The following LMNTD1 variants were observed in gnomAD, a reference collection of about 807,000 sequenced individuals.
LMNTD1 encodes the protein lamin tail domain containing 1.
Under a neutral mutation model 50.9 loss-of-function variants are expected in LMNTD1, and 35 were observed. The observed-to-expected ratio is 0.69, with a 90% CI of 0.53 to 0.91. LMNTD1 has a LOEUF of 0.91. Among genes scored for constraint, LMNTD1 ranks in the 40% least tolerant of loss-of-function variants. LMNTD1 has a pLI of 0.00. For missense variants in LMNTD1, 470 were observed against 475.5 expected (o/e 0.99, Z 0.11); for synonymous variants, 153 against 161.9 (o/e 0.94, Z 0.42).
At chr12:25,492,253 T>C (rs1277455719) in intron 9 of LMNTD1, among the ~76,000 whole-genome samples, 1 of 152,246 alleles carries the variant, frequency 6.6e-6, no homozygotes, top group African/African-American at 2.4e-5. Context: ...AGCATAATAA[T>C]TCAAGCCAAC....
At chr12:25,595,552 A>G (rs532540389) in intron 1 of LMNTD1, among the ~76,000 whole-genome samples, 1 of 152,240 alleles carries the variant, frequency 6.6e-6, no homozygotes, top group African/African-American at 2.4e-5. Flanking sequence ...GATACAACCT[A>G]TCAAAATCTC....
chr12:25,489,513 C>A lies in LMNTD1; in HGVS notation c.*23-13053G>T, dbSNP rs1207477435. Among the ~76,000 whole-genome samples, 2 of 138,840 alleles carry A rather than the reference C, an allele frequency of 1.4e-5. 1 individual carries two copies. The highest frequency in any genetic ancestry group is 1.4e-4 in the Admixed American group (2 of 13,812). 91.1% of individuals were successfully genotyped at this position (138,840 alleles called of 152,430 possible). ...GCGCACGGTGCGCGCACCCGCTGAC[C>A]TGCGCCCACTGTCTGGCACTCCCTA... On this transcript the variant is annotated intron_variant, in intron 9 of 9. Coordinates refer to ENST00000458174, the MANE Select transcript of LMNTD1 (RefSeq NM_001145728.2).
intron 9 of LMNTD1, among the ~76,000 whole-genome samples, chr12:25,498,977 A>C (rs1431861294): frequency 6.6e-6 from 1 of 152,206 alleles, no homozygotes; most frequent in Non-Finnish European, 1.5e-5. Context: ...AGGTGTTCAG[A>C]GTCTTTCCAT....
intron 1 of LMNTD1, among the ~76,000 whole-genome samples, chr12:25,605,308 G>C (rs1264607273): frequency 1.3e-5 from 2 of 152,140 alleles, no homozygotes; most frequent in Non-Finnish European, 2.9e-5. Context: ...TGTTCACTCT[G>C]ATGTTGGTTT....
At chr12:25,647,228 G>T (rs1368675051) in intron 1 of LMNTD1, among the ~76,000 whole-genome samples, 2 of 152,214 alleles carry the variant, frequency 1.3e-5, no homozygotes, top group African/African-American at 4.8e-5. Context: ...GGGTGCAGTG[G>T]CTCATGCCTG....
At chr12:25,614,454 C>T (rs1946311331) in intron 1 of LMNTD1, among the ~76,000 whole-genome samples, 1 of 152,188 alleles carries the variant, frequency 6.6e-6, no homozygotes, top group African/African-American at 2.4e-5. Context: ...CTTCTCCAGA[C>T]ATCTTGCAGA....
intron 1 of LMNTD1, among the ~76,000 whole-genome samples, chr12:25,558,924 G>A (rs1010750544): frequency 6.6e-6 from 1 of 151,364 alleles, no homozygotes; most frequent in Non-Finnish European, 1.5e-5. Flanking sequence ...AATATCACGT[G>A]TATTTGTATA....
chr12:25,556,768 T>C (rs995109712), upstream of LMNTD1, among the ~76,000 whole-genome samples: 3 of 152,228 alleles, frequency 2.0e-5, no homozygotes, highest in African/African-American at 7.2e-5. Flanking sequence ...AAATTCCATA[T>C]TCTTAAGTTT....
intron 1 of LMNTD1, among the ~76,000 whole-genome samples, chr12:25,568,321 C>T (rs573615715): frequency 2.8e-4 from 43 of 152,336 alleles, no homozygotes; most frequent in Middle Eastern, 3.4e-3. Context: ...TAACATCCTA[C>T]TTTCAGATGT....
At chr12:25,554,134 G>A (rs972018576), upstream of LMNTD1, among the ~76,000 whole-genome samples, 2 of 152,170 alleles carry the variant, frequency 1.3e-5, no homozygotes, top group African/African-American at 4.8e-5. Flanking sequence ...AATTCCTTAT[G>A]AACATTATGG....
intron 8 of LMNTD1, among the ~76,000 whole-genome samples, chr12:25,510,581 A>G (rs1237514202): frequency 2.0e-5 from 3 of 152,092 alleles, no homozygotes; most frequent in Non-Finnish European, 4.4e-5. Context: ...CAACTCTACT[A>G]GACTTACTTG....
chr12:25,572,544 TC>T (rs1488933438), intron 1 of LMNTD1, among the ~76,000 whole-genome samples: 1 of 151,700 alleles, frequency 6.6e-6, no homozygotes, highest in Non-Finnish European at 1.5e-5. Context: ...CAACAAAAAA[TC>T]CAAACTCACA....
rs1480928123 is a variant in LMNTD1, at chr12:25,485,576, T to C, written c.*23-9116A>G. Among the ~76,000 whole-genome samples, 10 of 140,924 alleles carry C rather than the reference T, an allele frequency of 7.1e-5. No individual in the cohort carries two copies. In the South Asian group the frequency reaches 1.0e-3, roughly 14 times the overall value. 92.5% of individuals were successfully genotyped at this position (140,924 alleles called of 152,430 possible). ...TTTGGTGTTTTGGACATGAAGTCCT[T>C]TCCCATGCCTATGTCCTGAATGGTA... On this transcript the variant is annotated intron_variant, in intron 9 of 9. Coordinates refer to ENST00000458174, the MANE Select transcript of LMNTD1 (RefSeq NM_001145728.2).
At chr12:25,573,058 A>G (rs1190899630) in intron 1 of LMNTD1, among the ~76,000 whole-genome samples, 1 of 151,756 alleles carries the variant, frequency 6.6e-6, no homozygotes, top group Non-Finnish European at 1.5e-5. Flanking sequence ...GTTTGTCTAT[A>G]TCGCTCTTTC....
intron 1 of LMNTD1, among the ~76,000 whole-genome samples, chr12:25,612,394 T>TA (rs1444420924): frequency 6.6e-6 from 1 of 151,988 alleles, no homozygotes; most frequent in African/African-American, 2.4e-5. Context: ...CTGTGGATTT[T>TA]ACACTTTTAG....
chr12:25,544,458 T>G (rs1054480035), intron 4 of LMNTD1, among the ~76,000 whole-genome samples: 8 of 151,826 alleles, frequency 5.3e-5, no homozygotes, highest in Admixed American at 2.6e-4. Flanking sequence ...CCTTTGTAGG[T>G]GAAGTGGGTT....
rs1329872522 is a variant in LMNTD1 at position 25,519,558 on chromosome 12, A to C, written c.1016+300T>G. Among the ~76,000 whole-genome samples the C allele has an allele frequency of 2.2e-5, 3 of 133,362 alleles. No homozygotes were observed. The East Asian group carries it at 7.5e-4, about 33-fold the overall frequency. The allele number at this position is 133,362 out of a possible 152,430, so 87.5% of individuals were successfully genotyped here. A position where few individuals can be genotyped will look rare whatever the true frequency, so the allele number is the denominator to read the frequency against. ...AGCCGAGATGGCGCCACTGCACTCC[A>C]GCCTGGGTGACAGAGCGAGACTCTG... On this transcript the variant is annotated intron_variant, in intron 7 of 9. Transcript: ENST00000458174.
chr12:25,634,881 T>G (rs1946794824), intron 1 of LMNTD1, among the ~76,000 whole-genome samples: 1 of 152,282 alleles, frequency 6.6e-6, no homozygotes, highest in South Asian at 2.1e-4. Flanking sequence ...CACTGTTTGC[T>G]GACGATATGA....
chr12:25,589,933 G>A (rs1252410814), intron 1 of LMNTD1, among the ~76,000 whole-genome samples: 3 of 152,040 alleles, frequency 2.0e-5, no homozygotes. Context: ...AGTTTACTAG[G>A]TACAGGGAGT....
Sources: gnomAD v4.1 joint callset for allele counts (sites outside exome capture counted in the v4.1 genomes callset) on GRCh38, gnomAD v4.1.1 for gene constraint, MANE v1.5 for transcripts, NCBI Gene and HGNC (gene_info 2026-07-23, HGNC 2026-07-21) for gene names.